The following PHF12 variants were observed in gnomAD, a reference collection of about 807,000 sequenced individuals.
PHF12 encodes the protein PHD factor 1.
A neutral mutation model predicts 99.8 loss-of-function variants in PHF12; 6 were observed. That is an observed-to-expected ratio of 0.06 (90% CI 0.03 to 0.12). The LOEUF is 0.12. Ranked by LOEUF, PHF12 falls within the 10% of genes least tolerant of loss-of-function variation. The pLI is 1.00. For missense variants in PHF12, 954 were observed against 1,300.1 expected, an observed-to-expected ratio of 0.73 and a Z score of 4.09; for synonymous variants, 480 against 514.9, an observed-to-expected ratio of 0.93 and a Z score of 0.92.
chr17:28,928,490 G>C (rs1362973805), intron 2 of PHF12, among the ~76,000 whole-genome samples: 1 of 152,084 alleles, frequency 6.6e-6, no homozygotes, highest in African/African-American at 2.4e-5. Context: ...TTTATTAGAG[G>C]GACTAGGACA....
chr17:28,944,264 C>A (rs2040680480), intron 2 of PHF12, among the ~76,000 whole-genome samples: 1 of 152,200 alleles, frequency 6.6e-6, no homozygotes, highest in Non-Finnish European at 1.5e-5. Context: ...ATTACAACTG[C>A]ATCCTACCTT....
At position 28,924,583 on chromosome 17, in the gene PHF12, T is replaced by C. The variant is rs2040231765; in HGVS notation, c.322-281A>G. On this transcript the variant is annotated intron_variant, in intron 3 of 14. Coordinates refer to ENST00000332830, the MANE Select transcript of PHF12 (RefSeq NM_001033561.2). ...ATTAACATTAACTCATTGTATGACA[T>C]ACAACATCTATAAAGTATAGGGTAA... 1.0e-5 allele frequency: 5 copies of C among 487,078 alleles called. No homozygotes were observed. The East Asian group carries it at 1.6e-4, about 15-fold the overall frequency. 30.2% of individuals were successfully genotyped at this position (487,078 alleles called of 1,614,324 possible).
chr17:28,934,431 C>A (rs762944101), intron 2 of PHF12, among the ~76,000 whole-genome samples: 1 of 152,036 alleles, frequency 6.6e-6, no homozygotes, highest in Non-Finnish European at 1.5e-5. Context: ...AGTTAAGGAT[C>A]GTGAGGAGTT....
Position 28,914,054 on chromosome 17 carries a change from G to A in PHF12, c.1135-17C>T, listed in dbSNP as rs1403419127. 7 of 1,583,206 alleles carry A rather than the reference G, an allele frequency of 4.4e-6. No individual in the cohort carries two copies. Among genetic ancestry groups the A allele is most frequent in the Admixed American group, 1.7e-5 (1 of 59,118 alleles). ...ATCAGGAACCTGTTCAGGATAGATA[G>A]AAGGAGGAAGGAGAGGGAGATAGTT... On this transcript the variant is annotated splice_polypyrimidine_tract_variant and intron_variant, in intron 7 of 14. Transcript: ENST00000332830.
chr17:28,936,828 A>T (rs1012539361), intron 2 of PHF12, among the ~76,000 whole-genome samples: 2 of 152,208 alleles, frequency 1.3e-5, no homozygotes, highest in Non-Finnish European at 2.9e-5. Context: ...ACCAGATAAA[A>T]ATCCTGCAAT....
At chr17:28,923,658 A>AAAAAAAAAAAAAAAAAAAAG (rs2040209482) in intron 4 of PHF12, among the ~76,000 whole-genome samples, 1 of 131,312 alleles carries the variant, frequency 7.6e-6, no homozygotes, top group Non-Finnish European at 1.6e-5. Flanking sequence ...ACTCACAAAA[A>AAAAAAAAAAAAAAAAAAAAG]AAAAAAAAAA....
At position 28,950,823 on chromosome 17, in the gene PHF12, T is replaced by G; in HGVS notation, c.66+72A>C. The G allele has an allele frequency of 1.3e-6, 2 of 1,591,408 alleles. No homozygotes were observed. The highest frequency in any genetic ancestry group is 2.2e-5 in the South Asian group (2 of 89,170). ...CATCTAGGCGCTTCGAGTTTAGGACTGGCTTTGTGGGGCGGAGGGCGGAGG... is the reference window on the plus strand; with the variant it reads ...CATCTAGGCGCTTCGAGTTTAGGACGGGCTTTGTGGGGCGGAGGGCGGAGG... On this transcript the variant is annotated intron_variant, in intron 1 of 14. Transcript: ENST00000332830. The surrounding 1 kb of genome is among the most constrained non-coding windows in gnomAD (Gnocchi z 5.7).
At chr17:28,908,025 G>C (rs2039900391) in intron 12 of PHF12, 1 of 208,348 alleles carries the variant, frequency 4.8e-6, no homozygotes, top group East Asian at 1.3e-4. Flanking sequence ...AGTTTCTAGG[G>C]TAAGGGCTAA....
rs9891827 is a variant in PHF12 at position 28,929,075 on chromosome 17, G to A, written c.249-2012C>T. Among the ~76,000 whole-genome samples, 1,259 of 151,534 alleles carry A rather than the reference G, an allele frequency of 8.3e-3. 21 individuals are homozygous for A. The highest frequency in any genetic ancestry group is 0.029 in the African/African-American group (1,207 of 41,300). ...AGTGCCACTGCACTCCAGCCTGGGC[G>A]ACAGAGTGAGACTCTGTCTCAAAAA... On this transcript the variant is annotated intron_variant, in intron 2 of 14. Transcript: ENST00000332830.
At chr17:28,914,950 A>C (rs543560056) in intron 7 of PHF12, among the ~76,000 whole-genome samples, 1 of 152,322 alleles carries the variant, frequency 6.6e-6, no homozygotes, top group South Asian at 2.1e-4. Context: ...CCAGAGATGA[A>C]TAAAAGTTAA....
In PHF12 at chr17:28,951,473, C is replaced by T. The variant is rs568252885; in HGVS notation, c.-513G>A. 4.1e-6 allele frequency: 4 copies of T among 985,560 alleles called. No individual in the cohort carries two copies. Among genetic ancestry groups the T allele is most frequent in the Admixed American group, 6.1e-5 (1 of 16,290 alleles). The allele number at this position is 985,560 out of a possible 1,614,324, so 61.1% of individuals were successfully genotyped here. On this transcript the variant is annotated 5_prime_UTR_variant, in exon 1 of 15. Coordinates refer to ENST00000332830, the MANE Select transcript of PHF12 (RefSeq NM_001033561.2). Reference sequence around the variant, plus strand: ...GCACTTGGCGCAAACTTACCGCGAGCGCCCGCAAAGCCACCCGCGCAGGCG... The same window carrying T: ...GCACTTGGCGCAAACTTACCGCGAGTGCCCGCAAAGCCACCCGCGCAGGCG...
intron 7 of PHF12, among the ~76,000 whole-genome samples, chr17:28,915,497 T>C (rs75584764): frequency 0.016 from 2,470 of 151,984 alleles, 59 homozygotes; most frequent in African/African-American, 0.056. Flanking sequence ...GAGAAAGGCA[T>C]GGAATATGGA....
intron 5 of PHF12, among the ~76,000 whole-genome samples, chr17:28,919,988 A>G (rs2040133788): frequency 6.6e-6 from 1 of 152,226 alleles, no homozygotes. Flanking sequence ...CATTAAAAAA[A>G]TCACTAGCAA....
intron 3 of PHF12, 197 bp from the exon 4 acceptor site, chr17:28,924,499 G>GC: frequency 1.5e-6 from 1 of 671,482 alleles, no homozygotes. Flanking sequence ...CAAAACTGTT[G>GC]CATCAGAGAA....
chr17:28,932,765 G>A (rs2040437290), intron 2 of PHF12, among the ~76,000 whole-genome samples: 1 of 152,086 alleles, frequency 6.6e-6, no homozygotes, highest in African/African-American at 2.4e-5. Context: ...GGCCAACATG[G>A]CAAAACCCTG....
Position 28,906,694 on chromosome 17 carries a change from G to A in PHF12, c.2680+162C>T, listed in dbSNP as rs959370338. Reference sequence around the variant, plus strand: ...TCCCCACAGGTGTGTACACACATGGGGGTACTCAGCACTTGCTTCTCTGTG... The same window carrying A: ...TCCCCACAGGTGTGTACACACATGGAGGTACTCAGCACTTGCTTCTCTGTG... On this transcript the variant is annotated intron_variant, in intron 14 of 14. Coordinates refer to ENST00000332830, the MANE Select transcript of PHF12 (RefSeq NM_001033561.2). This position sits in a 1 kb window ranked among gnomAD's most constrained non-coding sequence, Gnocchi z 4.2. 5.7e-6 allele frequency: 7 copies of A among 1,230,814 alleles called. No homozygotes were observed. The highest frequency in any genetic ancestry group is 2.8e-4 in the Middle Eastern group (1 of 3,598). 76.2% of individuals were successfully genotyped at this position (1,230,814 alleles called of 1,614,324 possible). A position where few individuals can be genotyped will look rare whatever the true frequency, so the allele number is the denominator to read the frequency against.
intron 7 of PHF12, among the ~76,000 whole-genome samples, chr17:28,915,806 T>C (rs1470911534): frequency 1.3e-5 from 2 of 152,208 alleles, no homozygotes; most frequent in African/African-American, 4.8e-5. Flanking sequence ...GGTCCTCATT[T>C]CACTCTCAAA....
In PHF12 at chr17:28,931,406, G is replaced by A. The variant is rs140202493; in HGVS notation, c.249-4343C>T. The stretch of plus-strand genomic sequence containing the variant: ...GAGTAGCTGGGATTACAGGTTGCCC[G>A]CCATCACACCCGGCTAATTTTTATA... On this transcript the variant is annotated intron_variant, in intron 2 of 14. Transcript: ENST00000332830. Among the ~76,000 whole-genome samples the A allele has an allele frequency of 2.1e-3, 298 of 142,470 alleles. 3 individuals are homozygous for A. In the South Asian group the frequency reaches 0.024, roughly 11 times the overall value. The allele number at this position is 142,470 out of a possible 152,430, so 93.5% of individuals were successfully genotyped here.
At chr17:28,914,287 TAAGA>T (rs1356943390) in intron 7 of PHF12, among the ~76,000 whole-genome samples, 1 of 152,140 alleles carries the variant, frequency 6.6e-6, no homozygotes, top group Non-Finnish European at 1.5e-5. Context: ...CTGAAAGGTG[TAAGA>T]CTGGCACTGG....
Sources: allele counts gnomAD v4.1 joint callset (sites outside exome capture counted in the v4.1 genomes callset), GRCh38; gene constraint gnomAD v4.1.1; non-coding constraint Gnocchi (gnomAD v3.1); transcripts MANE v1.5; gene names NCBI Gene and HGNC (gene_info 2026-07-23, HGNC 2026-07-21).